The following THADA variants were observed in gnomAD, a reference collection of about 807,000 sequenced individuals.
The protein encoded by THADA is tRNA (32-2'-O)-methyltransferase regulator THADA.
In THADA, 213 loss-of-function variants were observed where a neutral mutation model predicts 219.8. The observed-to-expected ratio is 0.97, with a 90% CI of 0.87 to 1.09. THADA has a LOEUF of 1.09. Ranked by LOEUF, THADA falls within the 50% of genes least tolerant of loss-of-function variation. The pLI, the probability that THADA is intolerant of heterozygous loss-of-function variation, is 0.00. For missense variants in THADA, 2,956 were observed against 2,311.3 expected (o/e 1.28, Z -5.72); for synonymous variants, 1,018 against 828.9 (o/e 1.23, Z -3.92).
At chr2:43,236,667 A>G (rs1195284744) in intron 36 of THADA, among the ~76,000 whole-genome samples, 1 of 152,234 alleles carries the variant, frequency 6.6e-6, no homozygotes, top group Non-Finnish European at 1.5e-5. Context: ...GCTACAAAAA[A>G]TAAAGAATCT....
intron 7 of THADA, among the ~76,000 whole-genome samples, chr2:43,583,809 G>A (rs80268044): frequency 0.06 from 9,186 of 152,152 alleles, 404 homozygotes; most frequent in Non-Finnish European, 0.088. Context: ...TTGGGGGACT[G>A]GGGCAGGGGG....
At chr2:43,299,021 C>A (rs1249013234) in intron 31 of THADA, among the ~76,000 whole-genome samples, 1 of 152,108 alleles carries the variant, frequency 6.6e-6, no homozygotes, top group Non-Finnish European at 1.5e-5. Context: ...CCACACCTGA[C>A]CTAATGCAGT....
chr2:43,489,769 T>C (rs930590569), intron 25 of THADA, among the ~76,000 whole-genome samples: 3 of 151,908 alleles, frequency 2.0e-5, no homozygotes, highest in African/African-American at 7.3e-5. Flanking sequence ...TTGCTTTGCA[T>C]TAAGTTTTGA....
chr2:43,558,902 A>T (rs1448756018), intron 16 of THADA, among the ~76,000 whole-genome samples: 1 of 152,138 alleles, frequency 6.6e-6, no homozygotes, highest in Admixed American at 6.5e-5. Context: ...AGCAAACCAC[A>T]TGTGGTACTA....
chr2:43,315,545 C>G (rs1243754335), intron 31 of THADA, among the ~76,000 whole-genome samples: 1 of 152,040 alleles, frequency 6.6e-6, no homozygotes, highest in African/African-American at 2.4e-5. Context: ...TCACTGCAGC[C>G]TTGAACTCCT....
intron 30 of THADA, among the ~76,000 whole-genome samples, chr2:43,329,211 A>T (rs1442043446): frequency 6.6e-6 from 1 of 152,232 alleles, no homozygotes; most frequent in Non-Finnish European, 1.5e-5. Context: ...TTATGGGAGA[A>T]AAGTAGTATC....
chr2:43,436,264 T>C (rs541985898), intron 26 of THADA, among the ~76,000 whole-genome samples: 1 of 152,270 alleles, frequency 6.6e-6, no homozygotes, highest in Non-Finnish European at 1.5e-5. Flanking sequence ...GTAGAGAGAA[T>C]AACCTTGACA....
At chr2:43,459,462 G>C (rs1175078879) in intron 26 of THADA, among the ~76,000 whole-genome samples, 2 of 152,062 alleles carry the variant, frequency 1.3e-5, no homozygotes, top group African/African-American at 4.8e-5. Context: ...CACTGCTCTA[G>C]GTGTTGAAGA....
intron 29 of THADA, among the ~76,000 whole-genome samples, chr2:43,351,936 C>T (rs1434835231): frequency 3.3e-5 from 5 of 152,162 alleles, no homozygotes; most frequent in South Asian, 2.1e-4. Context: ...CCAAGCTGTT[C>T]GTAAGGGCAA....
At chr2:43,516,439 C>A (rs560924815) in intron 22 of THADA, among the ~76,000 whole-genome samples, 4 of 152,262 alleles carry the variant, frequency 2.6e-5, no homozygotes, top group African/African-American at 9.6e-5. Context: ...TAAATACCTA[C>A]CCTAAGCCCA....
At chr2:43,589,530 C>T (rs1394466915) in intron 4 of THADA, among the ~76,000 whole-genome samples, 1 of 152,110 alleles carries the variant, frequency 6.6e-6, no homozygotes, top group Non-Finnish European at 1.5e-5. Flanking sequence ...GAGATCATTG[C>T]ACTGCAATAT....
intron 28 of THADA, among the ~76,000 whole-genome samples, chr2:43,414,772 T>A (rs1267924905): frequency 6.6e-6 from 1 of 152,204 alleles, no homozygotes; most frequent in Non-Finnish European, 1.5e-5. Context: ...AATCTGGCAC[T>A]TTATCAGCAG....
chr2:43,525,473 G>T (rs899175833), intron 22 of THADA, among the ~76,000 whole-genome samples: 2 of 152,168 alleles, frequency 1.3e-5, no homozygotes, highest in Admixed American at 6.5e-5. Context: ...GCTTCTGGCT[G>T]ATTCTCTTGG....
chr2:43,327,356 C>T (rs1266996927), intron 30 of THADA, among the ~76,000 whole-genome samples: 5 of 151,636 alleles, frequency 3.3e-5, no homozygotes, highest in Non-Finnish European at 7.4e-5. Flanking sequence ...GAAGCAATAT[C>T]CTAGGGACCA....
chr2:43,316,253 C>T (rs554587904), intron 31 of THADA, among the ~76,000 whole-genome samples: 1 of 152,280 alleles, frequency 6.6e-6, no homozygotes, highest in South Asian at 2.1e-4. Flanking sequence ...CAAATGTGTC[C>T]CATACATACT....
At chr2:43,479,544 A>G (rs866467140) in intron 26 of THADA, among the ~76,000 whole-genome samples, 25 of 152,318 alleles carry the variant, frequency 1.6e-4, no homozygotes, top group Middle Eastern at 6.8e-3. Context: ...GAATTATCAT[A>G]AGCCTCAAAA....
chr2:43,485,234 C>G lies in THADA; in HGVS notation c.3836G>C (p.Arg1279Thr). 6.2e-7 allele frequency: 1 copy of G among 1,607,688 alleles called. No individual in the cohort carries two copies. Among genetic ancestry groups the G allele is most frequent in the Non-Finnish European group, 8.5e-7 (1 of 1,175,324 alleles). Residue 1279 changes from arginine to threonine, a missense_variant and splice_region_variant, in exon 26 of 38, where the codon AGA becomes ACA. Coordinates refer to ENST00000405975, the MANE Select transcript of THADA (RefSeq NM_022065.5). ...AAAGTTAGCCTTAAATGGAGCTTAC[C>G]TATTTGTTTTGGAATGTTCATCCTT... Reference protein sequence around the residue: ...RAKDEHSKTNRMTGREFFSRF... With the variant: ...RAKDEHSKTNTMTGREFFSRF...
intron 31 of THADA, among the ~76,000 whole-genome samples, chr2:43,319,667 G>C (rs769371680): frequency 2.6e-5 from 4 of 152,160 alleles, no homozygotes; most frequent in Non-Finnish European, 5.9e-5. Context: ...GGCCTGGTCT[G>C]CTTGCACTCA....
chr2:43,585,836 A>G (rs1220542508), intron 7 of THADA, among the ~76,000 whole-genome samples: 1 of 152,090 alleles, frequency 6.6e-6, no homozygotes, highest in African/African-American at 2.4e-5. Flanking sequence ...TCTTTCACTT[A>G]TTCTCATAAC....
Sources: gnomAD v4.1 joint callset for allele counts (sites outside exome capture counted in the v4.1 genomes callset) on GRCh38, gnomAD v4.1.1 for gene constraint, MANE v1.5 for transcripts, NCBI Gene and HGNC (gene_info 2026-07-23, HGNC 2026-07-21) for gene names.